The following ANKFN1 variants were observed in gnomAD, a reference collection of about 807,000 sequenced individuals.
ANKFN1 encodes the protein ankyrin repeat and fibronectin type-III domain-containing protein 1.
A neutral mutation model predicts 108.7 loss-of-function variants in ANKFN1; 74 were observed. The ratio of observed to expected loss-of-function variants is 0.68; its 90% CI spans 0.56 to 0.83. ANKFN1 has a LOEUF of 0.83. Ranked by LOEUF, ANKFN1 falls within the 40% of genes least tolerant of loss-of-function variation. The probability of loss-of-function intolerance (pLI) is 0.00; values close to 1 mark genes in which losing one functional copy is unlikely to be tolerated. For missense variants in ANKFN1, 1,505 were observed against 1,382.3 expected, an observed-to-expected ratio of 1.09 and a Z score of -1.41; for synonymous variants, 547 against 516.2, an observed-to-expected ratio of 1.06 and a Z score of -0.81.
At chr17:56,085,269 A>G (rs1905296968) in intron 4 of ANKFN1, among the ~76,000 whole-genome samples, 1 of 150,062 alleles carries the variant, frequency 6.7e-6, no homozygotes, top group Non-Finnish European at 1.5e-5. Context: ...GGCTCTTTGC[A>G]GATATAACTA....
intron 4 of ANKFN1, among the ~76,000 whole-genome samples, chr17:56,061,225 G>A (rs76006526): frequency 0.07 from 10,194 of 145,112 alleles, 465 homozygotes; most frequent in East Asian, 0.16. Flanking sequence ...TTGCATAGAG[G>A]TATGTATAGC....
At chr17:56,332,479 G>A (rs1025499852) in intron 4 of ANKFN1, among the ~76,000 whole-genome samples, 3 of 152,126 alleles carry the variant, frequency 2.0e-5, no homozygotes, top group African/African-American at 4.8e-5. Flanking sequence ...ATGTGAAATA[G>A]GGATTGAGGG....
intron 18 of ANKFN1, among the ~76,000 whole-genome samples, chr17:56,482,882 T>A (rs2145379067): frequency 6.6e-6 from 1 of 152,204 alleles, no homozygotes; most frequent in East Asian, 1.9e-4. Flanking sequence ...CACTCTCTTT[T>A]TCCCCTTCCC....
intron 8 of ANKFN1, among the ~76,000 whole-genome samples, chr17:56,427,772 A>G (rs906152100): frequency 6.6e-6 from 1 of 152,128 alleles, no homozygotes; most frequent in Non-Finnish European, 1.5e-5. Context: ...CTTTCTCCCC[A>G]TATGGATTTG....
At chr17:56,473,058 A>G (rs979773816) in intron 15 of ANKFN1, 1 of 152,162 alleles carries the variant, frequency 6.6e-6, no homozygotes, top group African/African-American at 2.4e-5. Flanking sequence ...ACTTGCTTAC[A>G]TGATTCTCTC....
chr17:56,435,792 G>A (rs1166469690), intron 8 of ANKFN1, among the ~76,000 whole-genome samples: 2 of 151,728 alleles, frequency 1.3e-5, no homozygotes, highest in African/African-American at 2.4e-5. Context: ...AGGCATTGCT[G>A]CACTGTTTTA....
intron 4 of ANKFN1, among the ~76,000 whole-genome samples, chr17:56,343,812 T>C (rs1567929658): frequency 6.6e-6 from 1 of 151,988 alleles, no homozygotes; most frequent in Non-Finnish European, 1.5e-5. Flanking sequence ...TCTATCTTTA[T>C]GTTTGCTGAT....
At chr17:56,074,562 A>G (rs74608556) in intron 4 of ANKFN1, among the ~76,000 whole-genome samples, 266 of 152,328 alleles carry the variant, frequency 1.7e-3, no homozygotes, top group African/African-American at 6.2e-3. Flanking sequence ...GGGATTTCAT[A>G]GGGCTGCCCC....
chr17:56,406,509 G>A (rs574302800), intron 8 of ANKFN1, among the ~76,000 whole-genome samples: 1 of 152,112 alleles, frequency 6.6e-6, no homozygotes, highest in African/African-American at 2.4e-5. Context: ...AGAAAGAGAA[G>A]AGTCTTAAAT....
intron 4 of ANKFN1, among the ~76,000 whole-genome samples, chr17:56,138,050 A>T (rs1458081899): frequency 6.6e-6 from 1 of 152,208 alleles, no homozygotes; most frequent in Non-Finnish European, 1.5e-5. Context: ...TACAGTACGG[A>T]TTGCTGGACA....
At chr17:56,182,046 A>G (rs1294339962) in intron 1 of ANKFN1, among the ~76,000 whole-genome samples, 2 of 152,168 alleles carry the variant, frequency 1.3e-5, no homozygotes, top group Admixed American at 1.3e-4. Flanking sequence ...AGCAAACTTA[A>G]TCAACAAATG....
chr17:56,301,555 C>T (rs939330893), intron 3 of ANKFN1, among the ~76,000 whole-genome samples: 3 of 152,178 alleles, frequency 2.0e-5, no homozygotes, highest in African/African-American at 4.8e-5. Context: ...ACACTTGTCT[C>T]CCAAAACAAA....
chr17:56,240,754 C>T (rs1917521633), intron 3 of ANKFN1, among the ~76,000 whole-genome samples: 1 of 151,904 alleles, frequency 6.6e-6, no homozygotes, highest in Admixed American at 6.6e-5. Flanking sequence ...GTCATTTTTC[C>T]AGTTTTCAAT....
intron 8 of ANKFN1, among the ~76,000 whole-genome samples, chr17:56,438,805 C>T (rs2145151423): frequency 6.6e-6 from 1 of 152,192 alleles, no homozygotes; most frequent in Non-Finnish European, 1.5e-5. Flanking sequence ...TTTTAAGACT[C>T]ATAGTTAGAG....
At chr17:56,433,688 GA>G (rs1285793226) in intron 8 of ANKFN1, among the ~76,000 whole-genome samples, 1 of 152,184 alleles carries the variant, frequency 6.6e-6, no homozygotes, top group Admixed American at 6.5e-5. Flanking sequence ...GAAAGGGCGG[GA>G]AGGGGGTGAG....
chr17:56,482,000 T>C (rs2050723138), intron 17 of ANKFN1, among the ~76,000 whole-genome samples: 1 of 152,124 alleles, frequency 6.6e-6, no homozygotes, highest in South Asian at 2.1e-4. Flanking sequence ...GGCCAGAAAC[T>C]ACGTTTTTCC....
At chr17:56,131,396 T>C (rs1357221587) in intron 4 of ANKFN1, among the ~76,000 whole-genome samples, 1 of 152,226 alleles carries the variant, frequency 6.6e-6, no homozygotes, top group Non-Finnish European at 1.5e-5. Flanking sequence ...ACTGTCTAAA[T>C]GAAAGTTTGC....
chr17:56,123,251 A>AC (rs1419458967), intron 4 of ANKFN1, among the ~76,000 whole-genome samples: 1 of 152,230 alleles, frequency 6.6e-6, no homozygotes, highest in Admixed American at 6.5e-5. Flanking sequence ...TTCTGCCTAT[A>AC]CCATGTTAAC....
intron 3 of ANKFN1, among the ~76,000 whole-genome samples, chr17:56,277,879 T>TG (rs1226297167): frequency 6.6e-6 from 1 of 152,192 alleles, no homozygotes; most frequent in African/African-American, 2.4e-5. Flanking sequence ...TTTCGAATAA[T>TG]GAGAGAGTGG....
Sources: allele counts gnomAD v4.1 joint callset (sites outside exome capture counted in the v4.1 genomes callset), GRCh38; gene constraint gnomAD v4.1.1; transcripts MANE v1.5; gene names NCBI Gene and HGNC (gene_info 2026-07-23, HGNC 2026-07-21).